Variants in MAP3K13 observed in about 807,000 individuals in gnomAD.
MAP3K13 encodes the protein mitogen-activated protein kinase kinase kinase 13.
A neutral mutation model predicts 104.0 loss-of-function variants in MAP3K13; 52 were observed. That is an observed-to-expected ratio of 0.50 (90% CI 0.40 to 0.63). The LOEUF (loss-of-function observed/expected upper bound fraction) is 0.63, where lower values mean the gene tolerates loss of function less well. MAP3K13 is among the 20% of genes least tolerant of loss of function. The pLI is 0.00. For synonymous variants in MAP3K13, 394 were observed against 442.2 expected, an observed-to-expected ratio of 0.89 and a Z score of 1.37; for missense variants, 914 against 1,218.5, an observed-to-expected ratio of 0.75 and a Z score of 3.72.
intron 2 of MAP3K13, among the ~76,000 whole-genome samples, chr3:185,303,532 T>TG (rs971587146): frequency 5.8e-4 from 87 of 150,802 alleles, no homozygotes; most frequent in South Asian, 1.5e-3. Flanking sequence ...TTTTTTTTTT[T>TG]TATGATTCAG....
chr3:185,456,596 CTTTTT>C (rs35547697), intron 7 of MAP3K13, among the ~76,000 whole-genome samples: 119 of 108,010 alleles, frequency 1.1e-3, no homozygotes, highest in African/African-American at 3.9e-3. Context: ...TTTGCTTCTC[CTTTTT>C]TTTTTTTTTT....
rs549077748 is a variant in MAP3K13, at chr3:185,351,927, C to T, written c.-86+66284C>T. ...GTTACTTCTATTTGTTCTGCCATTGCCTAGGGTGTTGTCATCATCTGCATG... is the reference window on the plus strand; with the variant it reads ...GTTACTTCTATTTGTTCTGCCATTGTCTAGGGTGTTGTCATCATCTGCATG... On this transcript the variant is annotated intron_variant, in intron 2 of 14. Coordinates refer to the MAP3K13 transcript ENST00000424227. Among the ~76,000 whole-genome samples, 33 of 152,238 alleles carry T rather than the reference C, an allele frequency of 2.2e-4. 1 individual carries two copies. In the South Asian group the frequency reaches 6.2e-3, roughly 29 times the overall value.
At chr3:185,329,252 G>A (rs1722158395) in intron 2 of MAP3K13, 1 of 703,114 alleles carries the variant, frequency 1.4e-6, no homozygotes, top group Admixed American at 2.0e-5. Flanking sequence ...AAATAAAAGT[G>A]AGTATGTACC....
rs1715115665 is a variant in MAP3K13 at position 185,437,649 on chromosome 3, T to A, written c.659+19T>A. On this transcript the variant is annotated intron_variant, in intron 3 of 13. Coordinates refer to ENST00000265026, the MANE Select transcript of MAP3K13 (RefSeq NM_004721.5). ...CATTCAAGTAGGTCAAGGCTTTTTTTTTTTAAGAAGTAGACCTATTTTCTT... is the reference window on the plus strand; with the variant it reads ...CATTCAAGTAGGTCAAGGCTTTTTTATTTTAAGAAGTAGACCTATTTTCTT... 1 of 1,572,294 alleles carries A rather than the reference T, an allele frequency of 6.4e-7. No homozygotes were observed. Among genetic ancestry groups the A allele is most frequent in the African/African-American group, 1.4e-5 (1 of 72,314 alleles).
intron 1 of MAP3K13, among the ~76,000 whole-genome samples, chr3:185,425,952 A>G (rs570079248): frequency 6.6e-6 from 1 of 152,258 alleles, no homozygotes; most frequent in Admixed American, 6.5e-5. Flanking sequence ...GTGATTTCCC[A>G]AAGGGTAGGA....
chr3:185,323,078 T>A (rs1324208324), intron 2 of MAP3K13, among the ~76,000 whole-genome samples: 1 of 152,144 alleles, frequency 6.6e-6, no homozygotes, highest in Non-Finnish European at 1.5e-5. Flanking sequence ...ATAAACTTTT[T>A]GTTTTTGAAA....
chr3:185,418,240 A>G lies in MAP3K13; in HGVS notation c.-85-10257A>G. On this transcript the variant is annotated intron_variant, in intron 1 of 13. Transcript: ENST00000265026. The surrounding 1 kb of genome is among the most constrained non-coding windows in gnomAD (Gnocchi z 4.5). ...TCGCTGAGAGGCATAGACCTTTTCG[A>G]TATCATTCCAGGCTTTAAGTTTCTT... 6.2e-7 allele frequency: 1 copy of G among 1,606,930 alleles called. No homozygotes were observed.
rs570825787 is a variant in MAP3K13, at chr3:185,342,221, G to A, written c.-86+56578G>A. ...CAGAACCACTCACCCATGCTGCTCCGAGATTCCTGCCCCTCAGAGACTGTA... is the reference window on the plus strand; with the variant it reads ...CAGAACCACTCACCCATGCTGCTCCAAGATTCCTGCCCCTCAGAGACTGTA... On this transcript the variant is annotated intron_variant, in intron 2 of 14. Transcript: ENST00000424227. Among the ~76,000 whole-genome samples, 5 of 152,240 alleles carry A rather than the reference G, an allele frequency of 3.3e-5. No individual in the cohort carries two copies. The South Asian group carries it at 8.3e-4, about 25-fold the overall frequency.
Position 185,465,798 on chromosome 3 carries a change from T to C in MAP3K13, c.1440T>C (p.Asn480=), listed in dbSNP as rs752970269. ...ATGAGCGGAAGCTTGAGCGGGCGAA[T>C]AATTTATACATGGAATTGAGTGCCA... is the stretch of plus-strand genomic sequence containing the variant. ...EHYERKLERA[N]NLYMELSAIM... Residue 480 remains asparagine (N), a synonymous_variant, in exon 9 of 14, where the codon AAT becomes AAC. Transcript: ENST00000265026. 6.2e-7 allele frequency: 1 copy of C among 1,614,138 alleles called. No individual in the cohort carries two copies. The highest frequency in any genetic ancestry group is 1.7e-5 in the Admixed American group (1 of 60,020).
chr3:185,361,196 A>G (rs1298519382), upstream of MAP3K13, among the ~76,000 whole-genome samples: 1 of 149,732 alleles, frequency 6.7e-6, no homozygotes, highest in East Asian at 1.9e-4. Context: ...ATATATACAC[A>G]CACACACAAA....
At chr3:185,368,959 C>CAA (rs34049814) in intron 1 of MAP3K13, among the ~76,000 whole-genome samples, 2,342 of 139,372 alleles carry the variant, frequency 0.017, 54 homozygotes, top group African/African-American at 0.048. Flanking sequence ...AACTCCATCT[C>CAA]AAAAAAAAAA....
chr3:185,318,031 G>C (rs1375530846), intron 2 of MAP3K13, among the ~76,000 whole-genome samples: 2 of 151,568 alleles, frequency 1.3e-5, no homozygotes, highest in East Asian at 3.9e-4. Context: ...CTTTTAAGTG[G>C]TTCTTTTTGT....
rs577465359 is a variant in MAP3K13, at chr3:185,417,954, A to G, written c.-85-10543A>G. Reference sequence around the variant, plus strand: ...ACTTGTGCATGGGAAGATTGTAGTTACTCTTGAGGGAAGCGGCTTTACGCC... The same window carrying G: ...ACTTGTGCATGGGAAGATTGTAGTTGCTCTTGAGGGAAGCGGCTTTACGCC... On this transcript the variant is annotated intron_variant, in intron 1 of 13. Coordinates refer to ENST00000265026, the MANE Select transcript of MAP3K13 (RefSeq NM_004721.5). 36 of 1,607,600 alleles carry G rather than the reference A, an allele frequency of 2.2e-5. No individual in the cohort carries two copies. The African/African-American group carries it at 4.5e-4, about 20-fold the overall frequency.
At chr3:185,455,245 TGATATATATGAGATATATGA>T (rs201262093) in intron 7 of MAP3K13, among the ~76,000 whole-genome samples, 631 of 12,182 alleles carry the variant, frequency 0.052, 8 homozygotes, top group Non-Finnish European at 0.084. Context: ...GATATATATA[TGATATATATGAGATATATGA>T]GATATATATG....
intron 2 of MAP3K13, among the ~76,000 whole-genome samples, chr3:185,309,113 C>T (rs1721405786): frequency 6.6e-6 from 1 of 152,136 alleles, no homozygotes; most frequent in South Asian, 2.1e-4. Context: ...TGCAAAGAGC[C>T]TATTTCCAAA....
At chr3:185,354,270 A>G (rs1198676579) in intron 2 of MAP3K13, among the ~76,000 whole-genome samples, 1 of 149,990 alleles carries the variant, frequency 6.7e-6, no homozygotes, top group Non-Finnish European at 1.5e-5. Context: ...GTCTGCTCCT[A>G]CCTCTCTGTG....
chr3:185,449,142 C>A (rs1177365708), intron 5 of MAP3K13, among the ~76,000 whole-genome samples: 1 of 151,958 alleles, frequency 6.6e-6, no homozygotes, highest in Non-Finnish European at 1.5e-5. Flanking sequence ...GAGGCCAAGG[C>A]GGGTGGATCA....
chr3:185,303,497 T>C (rs1464073943), intron 2 of MAP3K13, among the ~76,000 whole-genome samples: 1 of 152,138 alleles, frequency 6.6e-6, no homozygotes, highest in Non-Finnish European at 1.5e-5. Flanking sequence ...TTCACTCTCC[T>C]TACTAGTTAC....
chr3:185,312,346 G>C (rs1438551331), intron 2 of MAP3K13, among the ~76,000 whole-genome samples: 1 of 152,198 alleles, frequency 6.6e-6, no homozygotes, highest in Non-Finnish European at 1.5e-5. Context: ...CTTTGGCTGT[G>C]CTGTTATGAG....
Sources: gnomAD v4.1 joint callset for allele counts (sites outside exome capture counted in the v4.1 genomes callset) on GRCh38, gnomAD v4.1.1 for gene constraint, Gnocchi (gnomAD v3.1) non-coding constraint, MANE v1.5 for transcripts, NCBI Gene and HGNC (gene_info 2026-07-23, HGNC 2026-07-21) for gene names.